Variants in PDXDC1 observed in about 807,000 individuals in gnomAD.
PDXDC1 encodes the protein pyridoxal dependent decarboxylase domain containing 1.
PDXDC1 carries 42 observed loss-of-function variants against 100.1 expected under a neutral mutation model. The observed-to-expected ratio is 0.42, with a 90% CI of 0.33 to 0.54. PDXDC1 has a LOEUF of 0.54. PDXDC1 is among the 20% of genes least tolerant of loss of function. The pLI, the probability that PDXDC1 is intolerant of heterozygous loss-of-function variation, is 0.10. For missense variants in PDXDC1, 636 were observed against 979.2 expected, an observed-to-expected ratio of 0.65 and a Z score of 4.68; for synonymous variants, 260 against 371.7, an observed-to-expected ratio of 0.70 and a Z score of 3.46.
At chr16:15,075,588 GAA>G in intron 16 of PDXDC1, among the ~76,000 whole-genome samples, 1 of 81,702 alleles carries the variant, frequency 1.2e-5, no homozygotes, top group Non-Finnish European at 3.5e-5. Context: ...AAAAAAGAAA[GAA>G]AAGAAAGAAA....
At chr16:15,085,499 G>A (rs1003989569) in intron 16 of PDXDC1, 2 of 997,920 alleles carry the variant, frequency 2.0e-6, no homozygotes, top group Non-Finnish European at 2.9e-6. Context: ...ATGTTTTTTT[G>A]CAGAGACAAG....
intron 9 of PDXDC1, 99 bp from the exon 10 acceptor site, chr16:15,017,021 A>G: frequency 8.2e-7 from 1 of 1,215,356 alleles, no homozygotes; most frequent in Non-Finnish European, 1.2e-6. Flanking sequence ...AAATATACTT[A>G]AGTGTCAACT....
In PDXDC1 at chr16:15,033,396, G is replaced by A. The variant is rs769024763; in HGVS notation, c.1809G>A (p.Ser603=). The A allele has an allele frequency of 8.1e-6, 13 of 1,613,890 alleles. No homozygotes were observed. The South Asian group carries it at 9.9e-5, about 12-fold the overall frequency. The part of the protein sequence containing the change: ...AATAREIEEN[S]RLLENMTEVV... ...CAGCCCGGGAGATAGAGGAGAACTC[G>A]AGGGTCCGTAGCACCCATCAGTGTT... The change falls in exon 19 of 23, where the codon TCG becomes TCA. Residue 603 remains serine (S), a synonymous_variant. Transcript: ENST00000396410.
intron 8 of PDXDC1, among the ~76,000 whole-genome samples, chr16:15,012,296 A>T (rs7405173): frequency 6.6e-6 from 1 of 152,122 alleles, no homozygotes; most frequent in South Asian, 2.1e-4. Flanking sequence ...GTGGAGATGG[A>T]GTTTCACCGT....
chr16:15,087,385 G>C (rs2045949564), intron 16 of PDXDC1, among the ~76,000 whole-genome samples: 1 of 152,106 alleles, frequency 6.6e-6, no homozygotes, highest in Admixed American at 6.6e-5. Context: ...CGATTAATAA[G>C]CAATCTGCCC....
chr16:15,098,451 T>C (rs555193941), intron 16 of PDXDC1, among the ~76,000 whole-genome samples: 1 of 152,076 alleles, frequency 6.6e-6, no homozygotes, highest in African/African-American at 2.4e-5. Flanking sequence ...TCTGCCTACC[T>C]TGACCTCCTA....
chr16:15,075,200 C>T (rs754721197), intron 16 of PDXDC1, among the ~76,000 whole-genome samples: 1 of 148,828 alleles, frequency 6.7e-6, no homozygotes, highest in South Asian at 2.1e-4. Flanking sequence ...TACAGTGAGC[C>T]GAGTTCGTGT....
chr16:15,071,201 T>G, intron 16 of PDXDC1: 1 of 1,611,238 alleles, frequency 6.2e-7, no homozygotes, highest in Non-Finnish European at 8.5e-7. Flanking sequence ...CAGGATTACT[T>G]GGGTCCTGCA....
intron 1 of PDXDC1, among the ~76,000 whole-genome samples, chr16:14,977,268 ACTTTT>A (rs1966896162): frequency 1.5e-5 from 1 of 65,452 alleles, no homozygotes; most frequent in Admixed American, 1.8e-4. Context: ...TATGGGACTT[ACTTTT>A]TTTTTTTTTT....
chr16:15,150,187 A>G, the PDXDC1 span, among the ~76,000 whole-genome samples: 1 of 151,864 alleles, frequency 6.6e-6, no homozygotes, highest in Admixed American at 6.6e-5. Context: ...TACTAAAAAT[A>G]CAAAAAATTA....
At chr16:14,988,824 G>A (rs1180317244) in intron 1 of PDXDC1, 2 of 1,613,778 alleles carry the variant, frequency 1.2e-6, no homozygotes, top group South Asian at 1.1e-5. Flanking sequence ...GATGCCTGGG[G>A]CACCCACCTT....
intron 16 of PDXDC1, among the ~76,000 whole-genome samples, chr16:15,122,986 A>G (rs1464948974): frequency 6.6e-6 from 1 of 150,706 alleles, no homozygotes; most frequent in East Asian, 2.0e-4. Flanking sequence ...GCGCTGGTGG[A>G]AGGTTTAGCT....
intron 16 of PDXDC1, chr16:15,055,844 G>T: frequency 9.5e-7 from 1 of 1,053,492 alleles, no homozygotes; most frequent in Non-Finnish European, 1.2e-6. Context: ...CCGCCCTGCA[G>T]CTTCCCCTCG....
intron 16 of PDXDC1, chr16:15,127,712 C>T (rs1405750178): frequency 1.5e-5 from 22 of 1,493,826 alleles, no homozygotes; most frequent in East Asian, 4.9e-5. Flanking sequence ...CCAACAGCCC[C>T]GTACCACACG....
At chr16:15,032,793 T>C (rs2043146688) in intron 17 of PDXDC1, 68 bp from the exon 18 acceptor site, 2 of 925,900 alleles carry the variant, frequency 2.2e-6, no homozygotes, top group Non-Finnish European at 3.6e-6. Context: ...TTTAGAGGTT[T>C]CTAATCCTGT....
chr16:15,144,202 G>A (rs899493449), downstream of PDXDC1, among the ~76,000 whole-genome samples: 5 of 152,182 alleles, frequency 3.3e-5, no homozygotes, highest in African/African-American at 1.2e-4. Flanking sequence ...CGCTGGAGAG[G>A]ACAGGGGACA....
At chr16:15,025,279 A>G (rs2042505238) in intron 13 of PDXDC1, 1 of 152,400 alleles carries the variant, frequency 6.6e-6, no homozygotes, top group Admixed American at 6.5e-5. Context: ...GATGATCATA[A>G]TATTCATAGC....
chr16:15,076,557 C>G, intron 16 of PDXDC1: 2 of 1,599,726 alleles, frequency 1.3e-6, no homozygotes, highest in Non-Finnish European at 1.7e-6. Context: ...AAACTGCTAA[C>G]CATATTAAAC....
At chr16:15,147,879 G>A in the PDXDC1 span, among the ~76,000 whole-genome samples, 1 of 151,990 alleles carries the variant, frequency 6.6e-6, no homozygotes, top group Non-Finnish European at 1.5e-5. Flanking sequence ...AGTAGAACGG[G>A]TTTCACCATG....
Sources: allele counts gnomAD v4.1 joint callset (sites outside exome capture counted in the v4.1 genomes callset), GRCh38; gene constraint gnomAD v4.1.1; transcripts MANE v1.5; gene names NCBI Gene and HGNC (gene_info 2026-07-23, HGNC 2026-07-21).